TCFL5: variants seen among roughly 807,000 people sequenced by gnomAD.
TCFL5 encodes transcription factor-like 5 protein.
A neutral mutation model predicts 44.3 loss-of-function variants in TCFL5; 9 were observed. The ratio of observed to expected loss-of-function variants is 0.20; its 90% CI spans 0.12 to 0.35. TCFL5 has a LOEUF of 0.35. Among genes scored for constraint, TCFL5 ranks in the 10% least tolerant of loss-of-function variants. The pLI is 1.00. For synonymous variants in TCFL5, 319 were observed against 271.6 expected, an observed-to-expected ratio of 1.17 and a Z score of -1.72; for missense variants, 603 against 613.4, an observed-to-expected ratio of 0.98 and a Z score of 0.18.
chr20:62,860,041 A>G (rs1238028953), intron 2 of TCFL5, 84 bp downstream of exon 2: 3 of 1,388,162 alleles, frequency 2.2e-6, no homozygotes, highest in African/African-American at 2.9e-5. Context: ...AAGGGAAAAA[A>G]AAGTACTTGG....
rs2063913193 is a variant in TCFL5, at chr20:62,857,521, G to A, written c.1112C>T (p.Ala371Val). 1.2e-6 allele frequency: 2 copies of A among 1,614,116 alleles called. No individual in the cohort carries two copies. Among genetic ancestry groups the A allele is most frequent in the African/African-American group, 2.7e-5 (2 of 74,950 alleles). ...EIQNVGEGAT[A>V]TQGAWQSSES... is the part of the protein sequence containing the mutation. Reference sequence around the variant, plus strand: ...CGAGGACTGCCAAGCGCCTTGTGTGGCGGTGGCACCTTCGCCCACATTCTG... The same window carrying A: ...CGAGGACTGCCAAGCGCCTTGTGTGACGGTGGCACCTTCGCCCACATTCTG... Residue 371 changes from alanine (A) to valine (V), a missense_variant, in exon 4 of 6, where the codon GCC becomes GTC. Coordinates refer to ENST00000335351, the MANE Select transcript of TCFL5 (RefSeq NM_006602.4).
chr20:62,846,679 G>A (rs2063747098), intron 5 of TCFL5, among the ~76,000 whole-genome samples: 1 of 149,636 alleles, frequency 6.7e-6, no homozygotes, highest in South Asian at 2.1e-4. Context: ...GGCAGGAGGA[G>A]CACCTGAGCC....
Position 62,841,856 on chromosome 20 carries a change from A to G in TCFL5, c.*119T>C. ...TCAAAGTCCCTACTGGAGTCCCGTC[A>G]GCTTGAGTCACGCCCTTTTCGAGTC... On this transcript the variant is annotated 3_prime_UTR_variant, in exon 6 of 6. Coordinates refer to ENST00000335351, the MANE Select transcript of TCFL5 (RefSeq NM_006602.4). 7.2e-7 allele frequency: 1 copy of G among 1,392,306 alleles called. No homozygotes were observed. The highest frequency in any genetic ancestry group is 1.5e-5 in the African/African-American group (1 of 68,918). The allele number at this position is 1,392,306 out of a possible 1,614,324, so 86.2% of individuals were successfully genotyped here.
chr20:62,849,864 A>G (rs1014942761), intron 5 of TCFL5, among the ~76,000 whole-genome samples: 3 of 152,146 alleles, frequency 2.0e-5, no homozygotes, highest in Admixed American at 2.0e-4. Context: ...CTGAGGCAAG[A>G]GGATTGCTTG....
Position 62,861,154 on chromosome 20 carries a change from C to T in TCFL5, c.517G>A (p.Gly173Ser). 9.9e-7 allele frequency: 1 copy of T among 1,008,102 alleles called. No homozygotes were observed. The highest frequency in any genetic ancestry group is 1.2e-6 in the Non-Finnish European group (1 of 847,306). The allele number at this position is 1,008,102 out of a possible 1,614,324, so 62.4% of individuals were successfully genotyped here. A position where few individuals can be genotyped will look rare whatever the true frequency, so the allele number is the denominator to read the frequency against. ...GGCTTGGCCCGGGCCTCGGGCGCGCCGTCGGGTCCAGCCGCAGCCGCAGCC... is the reference window on the plus strand; with the variant it reads ...GGCTTGGCCCGGGCCTCGGGCGCGCTGTCGGGTCCAGCCGCAGCCGCAGCC... ...GAAAAAAGPD[G>S]APEARAKPAV... Residue 173 changes from glycine to serine, a missense_variant, in exon 1 of 6, where the codon GGC (glycine) becomes AGC (serine). Physicochemically the swap from Gly to Ser is moderately conservative, Grantham distance 56. Transcript: ENST00000335351. This position sits in a 1 kb window ranked among gnomAD's most constrained non-coding sequence, Gnocchi z 4.0.
intron 4 of TCFL5, 69 bp downstream of exon 4, chr20:62,857,326 T>C: frequency 1.9e-6 from 3 of 1,580,440 alleles, no homozygotes; most frequent in Non-Finnish European, 2.6e-6. Flanking sequence ...GGATCACTCA[T>C]CTGTGATAAC....
At chr20:62,846,093 C>T (rs2063739345) in intron 5 of TCFL5, 5 of 1,315,402 alleles carry the variant, frequency 3.8e-6, no homozygotes, top group African/African-American at 1.5e-5. Flanking sequence ...CATAACATGA[C>T]GTATCTGGAG....
Position 62,861,309 on chromosome 20 carries a change from A to G in TCFL5, c.362T>C (p.Leu121Pro). 1 of 1,166,506 alleles carries G rather than the reference A, an allele frequency of 8.6e-7. No individual in the cohort carries two copies. Among genetic ancestry groups the G allele is most frequent in the Non-Finnish European group, 1.1e-6 (1 of 932,620 alleles). 72.3% of individuals were successfully genotyped at this position (1,166,506 alleles called of 1,614,324 possible). A position where few individuals can be genotyped will look rare whatever the true frequency, so the allele number is the denominator to read the frequency against. ...PSALAADAPCLGHIDFQELRM... is the reference protein window; with the variant it reads ...PSALAADAPCPGHIDFQELRM... Reference sequence around the variant, plus strand: ...CAGCTCCTGGAAGTCGATGTGGCCCAGGCAGGGCGCGTCGGCCGCCAGCGC... The same window carrying G: ...CAGCTCCTGGAAGTCGATGTGGCCCGGGCAGGGCGCGTCGGCCGCCAGCGC... Residue 121 changes from leucine to proline, a missense_variant, in exon 1 of 6, where the codon CTG (leucine) becomes CCG (proline). By Grantham distance (98) the Leu-to-Pro change is moderately conservative. This residue lies in a region of TCFL5 where 540 missense variants were observed against 478.7 expected (regional missense o/e 1.13). Transcript: ENST00000335351. This position sits in a 1 kb window ranked among gnomAD's most constrained non-coding sequence, Gnocchi z 4.0.
chr20:62,860,949 T>C (rs1198162617), intron 1 of TCFL5, 75 bp downstream of exon 1: 75 of 973,340 alleles, frequency 7.7e-5, no homozygotes, highest in Non-Finnish European at 8.9e-5. Context: ...GGGCCCCCTT[T>C]GCCTCCGCCC....
chr20:62,851,576 A>G (rs1165844292), intron 5 of TCFL5: 2 of 985,286 alleles, frequency 2.0e-6, no homozygotes, highest in East Asian at 2.3e-4. Flanking sequence ...TGCATTGTAA[A>G]TAACCATAAA....
At position 62,861,373 on chromosome 20, in the gene TCFL5, C is replaced by T. The variant is rs997384952; in HGVS notation, c.298G>A (p.Gly100Arg). Reference sequence around the variant, plus strand: ...ACGGGGTACACGGGCGCCGCGCCCCCCTGACCGCCCGCCGCGAAGCCGCCC... The same window carrying T: ...ACGGGGTACACGGGCGCCGCGCCCCTCTGACCGCCCGCCGCGAAGCCGCCC... ...GAGGFAAGGQ[G>R]GAAPVYPVLC... Residue 100 changes from glycine (G) to arginine (R), a missense_variant, in exon 1 of 6, where the codon GGG becomes AGG. Around this residue, in one of 4 missense-constraint regions of TCFL5, gnomAD observed 540 missense variants for 478.7 expected, o/e 1.13. Coordinates refer to ENST00000335351, the MANE Select transcript of TCFL5 (RefSeq NM_006602.4). This position sits in a 1 kb window ranked among gnomAD's most constrained non-coding sequence, Gnocchi z 4.0. 8.9e-5 allele frequency: 95 copies of T among 1,071,788 alleles called. No homozygotes were observed. In the African/African-American group the frequency reaches 1.4e-3, roughly 15 times the overall value. 66.4% of individuals were successfully genotyped at this position (1,071,788 alleles called of 1,614,324 possible).
Position 62,861,221 on chromosome 20 carries a change from C to A in TCFL5, c.450G>T (p.Ala150=). The A allele has an allele frequency of 2.6e-6, 3 of 1,147,062 alleles. No individual in the cohort carries two copies. Among genetic ancestry groups the A allele is most frequent in the Non-Finnish European group, 2.2e-6 (2 of 921,018 alleles). The allele number at this position is 1,147,062 out of a possible 1,614,324, so 71.1% of individuals were successfully genotyped here. The change falls in exon 1 of 6, where the codon GCG becomes GCT. Residue 150 remains alanine, a synonymous_variant. Coordinates refer to ENST00000335351, the MANE Select transcript of TCFL5 (RefSeq NM_006602.4). The surrounding 1 kb of genome is among the most constrained non-coding windows in gnomAD (Gnocchi z 4.0). ...AEKTSGGGDG[A]RARADGAAKE... ...TGGCGGCGCCGTCGGCCCGGGCCCTCGCTCCGTCCCCGCCGCCCGACGTCT... is the reference window on the plus strand; with the variant it reads ...TGGCGGCGCCGTCGGCCCGGGCCCTAGCTCCGTCCCCGCCGCCCGACGTCT...
chr20:62,849,478 G>T (rs1037861364), intron 5 of TCFL5, among the ~76,000 whole-genome samples: 1 of 152,160 alleles, frequency 6.6e-6, no homozygotes, highest in Admixed American at 6.5e-5. Flanking sequence ...GATTCTTGTA[G>T]CTCAAAGAGC....
intron 5 of TCFL5, chr20:62,846,124 T>C (rs1460263007): frequency 3.1e-6 from 4 of 1,287,116 alleles, no homozygotes; most frequent in East Asian, 5.6e-5. Context: ...GAACCTTAAA[T>C]TGGAAGCATT....
intron 4 of TCFL5, among the ~76,000 whole-genome samples, chr20:62,855,284 C>A (rs2063870153): frequency 6.6e-6 from 1 of 152,146 alleles, no homozygotes; most frequent in Non-Finnish European, 1.5e-5. Flanking sequence ...ACCTCAGCCT[C>A]CCAAGTAGCT....
At chr20:62,847,584 T>C (rs1158798296) in intron 5 of TCFL5, among the ~76,000 whole-genome samples, 3 of 152,188 alleles carry the variant, frequency 2.0e-5, no homozygotes, top group Non-Finnish European at 4.4e-5. Flanking sequence ...GAATGGCTTT[T>C]CTTTTTCAAG....
At chr20:62,845,723 G>C (rs377494060) in intron 5 of TCFL5, 7 of 1,606,564 alleles carry the variant, frequency 4.4e-6, no homozygotes, top group East Asian at 4.5e-5. Context: ...AGGACTCGGA[G>C]ACATATTTCT....
intron 5 of TCFL5, among the ~76,000 whole-genome samples, chr20:62,849,965 C>T (rs907868401): frequency 2.8e-5 from 4 of 144,552 alleles, no homozygotes; most frequent in Non-Finnish European, 5.9e-5. Flanking sequence ...AAAAATAAAA[C>T]AAAACAAAAT....
chr20:62,844,042 C>T (rs770333525), intron 5 of TCFL5, among the ~76,000 whole-genome samples: 1 of 152,190 alleles, frequency 6.6e-6, no homozygotes, highest in Non-Finnish European at 1.5e-5. Context: ...AAAGGTGCTG[C>T]CATGAATATT....
Sources: allele counts gnomAD v4.1 joint callset (sites outside exome capture counted in the v4.1 genomes callset), GRCh38; gene constraint gnomAD v4.1.1; regional missense constraint gnomAD v4.1.1; non-coding constraint Gnocchi (gnomAD v3.1); transcripts MANE v1.5; gene names NCBI Gene and HGNC (gene_info 2026-07-23, HGNC 2026-07-21).